The following SCN3A variants were observed in gnomAD, a reference collection of about 807,000 sequenced individuals.
SCN3A encodes the protein sodium channel protein type 3 subunit alpha.
SCN3A carries 60 observed loss-of-function variants against 187.6 expected under a neutral mutation model. That is an observed-to-expected ratio of 0.32 (90% CI 0.26 to 0.40). SCN3A has a LOEUF of 0.40. Ranked by LOEUF, SCN3A falls within the 10% of genes least tolerant of loss-of-function variation. The pLI is 1.00. For missense variants in SCN3A, 1,601 were observed against 2,428.2 expected (o/e 0.66, Z 7.16); for synonymous variants, 788 against 829.2 (o/e 0.95, Z 0.85).
chr2:165,198,181 GA>G (rs1016615544), intron 1 of SCN3A, among the ~76,000 whole-genome samples: 3 of 149,092 alleles, frequency 2.0e-5, no homozygotes, highest in Non-Finnish European at 4.5e-5. Flanking sequence ...AATAGCAATA[GA>G]AAAAAAAGAA....
chr2:165,129,614 A>T (rs1687195691), intron 17 of SCN3A, among the ~76,000 whole-genome samples: 1 of 152,212 alleles, frequency 6.6e-6, no homozygotes, highest in Non-Finnish European at 1.5e-5. Context: ...CAATATTAGG[A>T]TACAATTCTT....
At chr2:165,200,733 G>A (rs1402060470) in intron 1 of SCN3A, among the ~76,000 whole-genome samples, 2 of 152,044 alleles carry the variant, frequency 1.3e-5, no homozygotes, top group African/African-American at 2.4e-5. Context: ...TAGGGTGGTT[G>A]AAGGGAAGGA....
intron 22 of SCN3A, among the ~76,000 whole-genome samples, chr2:165,099,599 C>G (rs888246408): frequency 1.3e-5 from 2 of 152,056 alleles, no homozygotes; most frequent in South Asian, 4.1e-4. Context: ...CACCTGTAGT[C>G]CCAGCTACTC....
At chr2:165,141,036 G>A (rs772578395) in intron 12 of SCN3A, 38 bp from the exon 13 acceptor site, 1 of 1,410,380 alleles carries the variant, frequency 7.1e-7, no homozygotes, top group Non-Finnish European at 1.0e-6. Flanking sequence ...TGGGATGGGG[G>A]TAGGGGAAGA....
intron 3 of SCN3A, among the ~76,000 whole-genome samples, chr2:165,174,671 A>T (rs899210324): frequency 1.3e-5 from 2 of 152,122 alleles, no homozygotes; most frequent in Non-Finnish European, 2.9e-5. Flanking sequence ...TATCCTTCAG[A>T]GCAACAGTTT....
rs192216079 is a variant in SCN3A at position 165,156,323 on chromosome 2, A to G, written c.1032-420T>C. On this transcript the variant is annotated intron_variant, in intron 9 of 27. Coordinates refer to ENST00000283254, the MANE Select transcript of SCN3A (RefSeq NM_006922.4). ...AGATCGAGACTATCCTGGCTAACACAGTGAAACTCCATCTCTACTAAAAAT... is the reference window on the plus strand; with the variant it reads ...AGATCGAGACTATCCTGGCTAACACGGTGAAACTCCATCTCTACTAAAAAT... 9.7e-3 allele frequency among the ~76,000 whole-genome samples: 1,471 copies of G among 151,044 alleles called. 23 individuals carry two copies. The highest frequency in any genetic ancestry group is 0.033 in the African/African-American group (1,354 of 41,216).
chr2:165,094,089 G>C (rs1685243919), intron 26 of SCN3A: 2 of 424,516 alleles, frequency 4.7e-6, no homozygotes, highest in African/African-American at 4.0e-5. Context: ...GGAACCAGGT[G>C]TGCTGTTGGT....
At chr2:165,154,719 T>TAACTGTGGTAATCA in intron 10 of SCN3A, 61 bp from the exon 11 acceptor site, 2 of 1,462,278 alleles carry the variant, frequency 1.4e-6, no homozygotes, top group Non-Finnish European at 1.9e-6. Context: ...AATAAATATC[T>TAACTGTGGTAATCA]GATTACCACA....
intron 18 of SCN3A, among the ~76,000 whole-genome samples, chr2:165,127,357 A>G (rs1322335320): frequency 6.6e-6 from 1 of 152,122 alleles, no homozygotes; most frequent in African/African-American, 2.4e-5. Context: ...CACCATGCCC[A>G]GCCTAAAAGG....
At chr2:165,096,183 G>A (rs1685356683) in intron 24 of SCN3A, among the ~76,000 whole-genome samples, 1 of 152,088 alleles carries the variant, frequency 6.6e-6, no homozygotes, top group South Asian at 2.1e-4. Flanking sequence ...GGAGAGACAA[G>A]TTACTTCCCC....
rs61539996 is a variant in SCN3A, at chr2:165,115,654, G to GA, written c.3394-80dup. On this transcript the variant is annotated intron_variant, in intron 18 of 27. Transcript: ENST00000283254. The stretch of plus-strand genomic sequence containing the variant: ...ACTGGGAAATACTGTGTCATTGTGT[G>GA]AAAAAAAAATAGTAGTGATAGCATT... 1.8e-3 allele frequency: 2,359 copies of GA among 1,323,056 alleles called. 4 individuals carry two copies. The highest frequency in any genetic ancestry group is 0.011 in the African/African-American group (743 of 66,968). 82.0% of individuals were successfully genotyped at this position (1,323,056 alleles called of 1,614,324 possible).
intron 2 of SCN3A, 123 bp from the exon 3 acceptor site, chr2:165,176,567 A>G: frequency 1.5e-6 from 1 of 676,772 alleles, no homozygotes; most frequent in South Asian, 1.8e-5. Context: ...TGCTTTTAGT[A>G]CTGCACTACA....
chr2:165,112,649 T>C (rs972203147), intron 21 of SCN3A, among the ~76,000 whole-genome samples: 1 of 152,164 alleles, frequency 6.6e-6, no homozygotes, highest in Non-Finnish European at 1.5e-5. Flanking sequence ...ATAAAAGCTG[T>C]CTATCTATGG....
intron 11 of SCN3A, among the ~76,000 whole-genome samples, chr2:165,147,537 T>C (rs1688431116): frequency 2.6e-5 from 4 of 152,178 alleles, no homozygotes; most frequent in Admixed American, 2.6e-4. Context: ...CAGATGGAAG[T>C]AGGGAAATGT....
At position 165,125,467 on chromosome 2, in the gene SCN3A, C is replaced by T. The variant is rs1033499537; in HGVS notation, c.3393+2164G>A. On this transcript the variant is annotated intron_variant, in intron 18 of 27. Transcript: ENST00000283254. ...TACAGGTGCCCGCCACCGCACCCAGCGAATTTTTTTGTATTTATTTATTTA... is the reference window on the plus strand; with the variant it reads ...TACAGGTGCCCGCCACCGCACCCAGTGAATTTTTTTGTATTTATTTATTTA... Among the ~76,000 whole-genome samples, 4 of 152,014 alleles carry T rather than the reference C, an allele frequency of 2.6e-5. No individual in the cohort carries two copies. In the East Asian group the frequency reaches 5.8e-4, roughly 22 times the overall value.
At chr2:165,101,613 T>G (rs1378861936) in intron 21 of SCN3A, among the ~76,000 whole-genome samples, 1 of 152,068 alleles carries the variant, frequency 6.6e-6, no homozygotes, top group Non-Finnish European at 1.5e-5. Context: ...ATCTTCTCAG[T>G]TCTTTCAAAG....
intron 17 of SCN3A, 55 bp downstream of exon 17, chr2:165,129,885 C>T: frequency 6.2e-7 from 1 of 1,609,206 alleles, no homozygotes; most frequent in African/African-American, 1.3e-5. Flanking sequence ...TGGCCACGTT[C>T]CTAGCTACTG....
intron 1 of SCN3A, among the ~76,000 whole-genome samples, chr2:165,201,319 G>A (rs1692304689): frequency 6.6e-6 from 1 of 152,008 alleles, no homozygotes. Context: ...CTTCCAGGAT[G>A]AGAATTATTC....
At chr2:165,179,865 T>C (rs1690725389) in intron 2 of SCN3A, among the ~76,000 whole-genome samples, 1 of 152,162 alleles carries the variant, frequency 6.6e-6, no homozygotes, top group Non-Finnish European at 1.5e-5. Flanking sequence ...TGTGAGCTTA[T>C]TATACAGAGT....
Sources: gnomAD v4.1 joint callset for allele counts (sites outside exome capture counted in the v4.1 genomes callset) on GRCh38, gnomAD v4.1.1 for gene constraint, MANE v1.5 for transcripts, NCBI Gene and HGNC (gene_info 2026-07-23, HGNC 2026-07-21) for gene names.